Variants in ABCA5 observed in about 807,000 individuals in gnomAD.
ABCA5 encodes cholesterol transporter ABCA5.
A neutral mutation model predicts 206.0 loss-of-function variants in ABCA5; 163 were observed. That is an observed-to-expected ratio of 0.79 (90% CI 0.70 to 0.90). The LOEUF (loss-of-function observed/expected upper bound fraction) is 0.90. Among genes scored for constraint, ABCA5 ranks in the 40% least tolerant of loss-of-function variants. The probability of loss-of-function intolerance (pLI) is 0.00; values close to 1 mark genes in which losing one functional copy is unlikely to be tolerated. For missense variants in ABCA5, 1,859 were observed against 1,912.9 expected (o/e 0.97, Z 0.53); for synonymous variants, 609 against 613.8 (o/e 0.99, Z 0.11).
rs558155456 is a variant in ABCA5 at position 69,247,179 on chromosome 17, G to A, written c.*358C>T. The A allele has an allele frequency of 7.0e-4, 110 of 158,200 alleles. No individual in the cohort carries two copies. Among genetic ancestry groups the A allele is most frequent in the African/African-American group, 2.5e-3 (105 of 41,694 alleles). 9.8% of individuals were successfully genotyped at this position (158,200 alleles called of 1,614,324 possible). A position where few individuals can be genotyped will look rare whatever the true frequency, so the allele number is the denominator to read the frequency against. On this transcript the variant is annotated 3_prime_UTR_variant, in exon 39 of 39. Transcript: ENST00000392676. The stretch of plus-strand genomic sequence containing the variant: ...TTTTTTATTTAGATTGGAACATTAC[G>A]TACTTATTTAAGAAGATGGCATAAA...
At position 69,263,196 on chromosome 17, in the gene ABCA5, T is replaced by C. The variant is rs983488307; in HGVS notation, c.3316-1448A>G. On this transcript the variant is annotated intron_variant, in intron 24 of 38. Transcript: ENST00000392676. ...TTCTGTATGTTATCCATTTACTCTG[T>C]TGATAGTTTCTTTTGCTGTGCAGAA... is the stretch of plus-strand genomic sequence containing the variant. 7.9e-5 allele frequency among the ~76,000 whole-genome samples: 12 copies of C among 152,334 alleles called. No homozygotes were observed. In the Middle Eastern group the frequency reaches 0.017, roughly 216 times the overall value.
intron 13 of ABCA5, 27 bp downstream of exon 13, chr17:69,289,835 G>A (rs759981893): frequency 2.0e-6 from 3 of 1,530,994 alleles, no homozygotes; most frequent in Admixed American, 2.0e-5. Flanking sequence ...GGAAATAAAA[G>A]TAAAGATTTC....
At chr17:69,277,552 A>C in intron 19 of ABCA5, 89 bp downstream of exon 19, 1 of 1,002,874 alleles carries the variant, frequency 1.0e-6, no homozygotes, top group Non-Finnish European at 1.4e-6. Flanking sequence ...TTATTTACAT[A>C]TGTTAACATT....
rs182964974 is a variant in ABCA5, at chr17:69,260,482, G to C, written c.3565-70C>G. ...AATATTTGGATTAAAATGAAAAAATGTATTTTGTTTAGCAAACGTGTACTT... is the reference window on the plus strand; with the variant it reads ...AATATTTGGATTAAAATGAAAAAATCTATTTTGTTTAGCAAACGTGTACTT... On this transcript the variant is annotated intron_variant, in intron 26 of 38. Coordinates refer to ENST00000392676, the MANE Select transcript of ABCA5 (RefSeq NM_172232.4). 6.5e-5 allele frequency: 70 copies of C among 1,080,804 alleles called. No individual in the cohort carries two copies. In the African/African-American group the frequency reaches 9.9e-4, roughly 15 times the overall value. 67.0% of individuals were successfully genotyped at this position (1,080,804 alleles called of 1,614,324 possible).
intron 3 of ABCA5, among the ~76,000 whole-genome samples, chr17:69,309,745 G>T (rs908341094): frequency 6.6e-6 from 1 of 152,074 alleles, no homozygotes; most frequent in Non-Finnish European, 1.5e-5. Context: ...GGAGGCGGAG[G>T]TGGGAGGATC....
intron 4 of ABCA5, among the ~76,000 whole-genome samples, chr17:69,308,970 AAG>A (rs1246976197): frequency 6.6e-6 from 1 of 152,142 alleles, no homozygotes; most frequent in Non-Finnish European, 1.5e-5. Flanking sequence ...ACATGAAAAA[AAG>A]AGATTTAGAA....
At chr17:69,277,366 C>A (rs1474419322) in intron 19 of ABCA5, among the ~76,000 whole-genome samples, 1 of 151,990 alleles carries the variant, frequency 6.6e-6, no homozygotes, top group African/African-American at 2.4e-5. Flanking sequence ...GAAAAAGATA[C>A]AATGACAGTA....
chr17:69,261,119 A>G lies in ABCA5; in HGVS notation c.3564+6T>C, dbSNP rs754676939. ...TTTAACATATTAAAATATTTAGCAGAATTACCTTTATGAAAGAAATCAGGC... is the reference window on the plus strand; with the variant it reads ...TTTAACATATTAAAATATTTAGCAGGATTACCTTTATGAAAGAAATCAGGC... On this transcript the variant is annotated splice_donor_region_variant and intron_variant, in intron 26 of 38. Coordinates refer to ENST00000392676, the MANE Select transcript of ABCA5 (RefSeq NM_172232.4). The G allele has an allele frequency of 1.3e-6, 2 of 1,540,090 alleles. No individual in the cohort carries two copies. The highest frequency in any genetic ancestry group is 2.8e-5 in the African/African-American group (2 of 72,178).
chr17:69,312,592 T>A (rs555953898), intron 3 of ABCA5, among the ~76,000 whole-genome samples: 3 of 152,166 alleles, frequency 2.0e-5, no homozygotes, highest in African/African-American at 7.2e-5. Flanking sequence ...TTTATTGTTA[T>A]AGATGGGGGT....
At chr17:69,253,897 A>C in intron 32 of ABCA5, 28 bp from the exon 33 acceptor site, 2 of 1,535,128 alleles carry the variant, frequency 1.3e-6, no homozygotes, top group Non-Finnish European at 1.8e-6. Context: ...CAAAATGAGA[A>C]TACCATGATA....
At position 69,313,232 on chromosome 17, in the gene ABCA5, T is replaced by C; in HGVS notation, c.167A>G (p.Lys56Arg). 1 of 1,525,488 alleles carries C rather than the reference T, an allele frequency of 6.6e-7. No individual in the cohort carries two copies. The highest frequency in any genetic ancestry group is 1.1e-5 in the South Asian group (1 of 88,194). 94.5% of individuals were successfully genotyped at this position (1,525,488 alleles called of 1,614,324 possible). A position where few individuals can be genotyped will look rare whatever the true frequency, so the allele number is the denominator to read the frequency against. Residue 56 changes from lysine to arginine, a missense_variant, in exon 3 of 39, where the codon AAG becomes AGG. Transcript: ENST00000392676. ...LILISMMHPN[K>R]KYEEVPNIEL... is the part of the protein sequence containing the mutation. ...TATATTAGGCACTTCTTCATATTTC[T>C]TATTTGGATGCATCATGCTAATTAA...
intron 37 of ABCA5, 151 bp from the exon 38 acceptor site, chr17:69,248,468 C>T: frequency 3.8e-6 from 2 of 527,674 alleles, no homozygotes; most frequent in Non-Finnish European, 6.9e-6. Flanking sequence ...CCGCTTACTT[C>T]CTTTCTCTTC....
intron 21 of ABCA5, among the ~76,000 whole-genome samples, 200 bp from the exon 22 acceptor site, chr17:69,270,950 T>C (rs1023468285): frequency 6.6e-6 from 1 of 151,378 alleles, no homozygotes; most frequent in Non-Finnish European, 1.5e-5. Context: ...AACAAGCATA[T>C]AATTTTTTAA....
At chr17:69,308,686 G>T (rs541495468) in intron 4 of ABCA5, among the ~76,000 whole-genome samples, 1 of 152,082 alleles carries the variant, frequency 6.6e-6, no homozygotes, top group Non-Finnish European at 1.5e-5. Flanking sequence ...ACATGACTTA[G>T]CTCTAAAGCA....
Position 69,266,573 on chromosome 17 carries a change from T to A in ABCA5, c.3144+1370A>T, listed in dbSNP as rs527532380. On this transcript the variant is annotated intron_variant, in intron 23 of 38. Coordinates refer to ENST00000392676, the MANE Select transcript of ABCA5 (RefSeq NM_172232.4). ...CCTAAAACTTAAAGTATAATAAAAA[T>A]ATATATATATATAAATAAAAAAATT... 5.6e-3 allele frequency among the ~76,000 whole-genome samples: 667 copies of A among 119,484 alleles called. 10 individuals are homozygous for A. The highest frequency in any genetic ancestry group is 0.017 in the African/African-American group (630 of 37,552). 78.4% of individuals were successfully genotyped at this position (119,484 alleles called of 152,430 possible).
Position 69,326,363 on chromosome 17 carries a change from T to A in ABCA5, c.-16+689A>T, listed in dbSNP as rs1360972954. ...GTTATTATCTTCATTATTTTCGGAC[T>A]TATTTATTTAAAACGTAAATCGAAG... On this transcript the variant is annotated intron_variant, in intron 1 of 38. Coordinates refer to ENST00000392676, the MANE Select transcript of ABCA5 (RefSeq NM_172232.4). This position sits in a 1 kb window ranked among gnomAD's most constrained non-coding sequence, Gnocchi z 4.8. Among the ~76,000 whole-genome samples, 2 of 152,242 alleles carry A rather than the reference T, an allele frequency of 1.3e-5. No homozygotes were observed. The highest frequency in any genetic ancestry group is 2.4e-5 in the African/African-American group (1 of 41,454).
intron 7 of ABCA5, among the ~76,000 whole-genome samples, chr17:69,303,813 CATATAT>C (rs1400825300): frequency 0.014 from 53 of 3,854 alleles, 10 homozygotes; most frequent in African/African-American, 0.019. Context: ...TATATACATA[CATATAT>C]ATATATGTAT....
chr17:69,312,858 G>T (rs1394204895), intron 3 of ABCA5, among the ~76,000 whole-genome samples: 1 of 151,970 alleles, frequency 6.6e-6, no homozygotes, highest in African/African-American at 2.4e-5. Flanking sequence ...AATGGTCTAA[G>T]AATTAAATAT....
chr17:69,280,276 T>A (rs1463414619), intron 18 of ABCA5, among the ~76,000 whole-genome samples: 1 of 152,026 alleles, frequency 6.6e-6, no homozygotes, highest in Admixed American at 6.5e-5. Flanking sequence ...AAAAGACACA[T>A]GAAAAAACGC....
Sources: gnomAD v4.1 joint callset for allele counts (sites outside exome capture counted in the v4.1 genomes callset) on GRCh38, gnomAD v4.1.1 for gene constraint, Gnocchi (gnomAD v3.1) non-coding constraint, MANE v1.5 for transcripts, NCBI Gene and HGNC (gene_info 2026-07-23, HGNC 2026-07-21) for gene names.